The following ADCY2 variants were observed in gnomAD, a reference collection of about 807,000 sequenced individuals.
ADCY2 encodes adenylate cyclase type 2.
Under a neutral mutation model 125.2 loss-of-function variants are expected in ADCY2, and 31 were observed. The observed-to-expected ratio is 0.25, with a 90% CI of 0.19 to 0.33. The LOEUF (loss-of-function observed/expected upper bound fraction) is 0.33. Ranked by LOEUF, ADCY2 falls within the 10% of genes least tolerant of loss-of-function variation. The probability of loss-of-function intolerance (pLI) is 1.00; values close to 1 mark genes in which losing one functional copy is unlikely to be tolerated. For synonymous variants in ADCY2, 512 were observed against 548.4 expected, an observed-to-expected ratio of 0.93 and a Z score of 0.93; for missense variants, 904 against 1,418.2, an observed-to-expected ratio of 0.64 and a Z score of 5.82.
rs577997740 is a variant in ADCY2 at position 7,456,618 on chromosome 5, T to A, written c.408+41848T>A. Among the ~76,000 whole-genome samples the A allele has an allele frequency of 2.0e-3, 301 of 152,318 alleles. 1 individual carries two copies. Among genetic ancestry groups the A allele is most frequent in the Admixed American group, 3.7e-3 (56 of 15,304 alleles). ...GATAGTATATGGAAATACTGCTTATTCTTGCTATAATATTTAATGTGATTC... is the reference window on the plus strand; with the variant it reads ...GATAGTATATGGAAATACTGCTTATACTTGCTATAATATTTAATGTGATTC... On this transcript the variant is annotated intron_variant, in intron 2 of 24. Coordinates refer to ENST00000338316, the MANE Select transcript of ADCY2 (RefSeq NM_020546.3).
chr5:7,511,237 A>G (rs1338958540), intron 2 of ADCY2, among the ~76,000 whole-genome samples: 1 of 152,194 alleles, frequency 6.6e-6, no homozygotes, highest in African/African-American at 2.4e-5. Context: ...AATATAAAAA[A>G]AATTAAAAAT....
chr5:7,401,625 T>C (rs911282705), intron 1 of ADCY2, among the ~76,000 whole-genome samples: 1 of 152,228 alleles, frequency 6.6e-6, no homozygotes, highest in Non-Finnish European at 1.5e-5. Flanking sequence ...TTCATTATGC[T>C]AAATGTCCCC....
intron 22 of ADCY2, among the ~76,000 whole-genome samples, chr5:7,815,592 T>C (rs1431766700): frequency 6.6e-6 from 1 of 152,190 alleles, no homozygotes; most frequent in African/African-American, 2.4e-5. Flanking sequence ...AAAGGTGAAA[T>C]TCCAAATATA....
chr5:7,507,198 T>C (rs1743857631), intron 2 of ADCY2, among the ~76,000 whole-genome samples: 2 of 148,732 alleles, frequency 1.3e-5, no homozygotes, highest in Admixed American at 1.3e-4. Context: ...TCCCAGCACT[T>C]TGGGAGGCCG....
chr5:7,512,693 G>A (rs1345905167), intron 2 of ADCY2, among the ~76,000 whole-genome samples: 1 of 152,092 alleles, frequency 6.6e-6, no homozygotes, highest in Non-Finnish European at 1.5e-5. Context: ...TGGTCATAAG[G>A]TCTGTGTAAT....
At chr5:7,696,706 C>T (rs1472064167) in intron 6 of ADCY2, among the ~76,000 whole-genome samples, 1 of 152,192 alleles carries the variant, frequency 6.6e-6, no homozygotes, top group African/African-American at 2.4e-5. Flanking sequence ...TTAAACAAGA[C>T]AGAACATTCC....
intron 2 of ADCY2, among the ~76,000 whole-genome samples, chr5:7,504,785 A>G (rs1266693686): frequency 1.3e-5 from 2 of 151,894 alleles, no homozygotes; most frequent in Non-Finnish European, 1.5e-5. Flanking sequence ...CTGGGACTAC[A>G]TGTGTGAGCC....
At chr5:7,670,099 T>C (rs1299864576) in intron 4 of ADCY2, among the ~76,000 whole-genome samples, 1 of 152,222 alleles carries the variant, frequency 6.6e-6, no homozygotes, top group Admixed American at 6.5e-5. Context: ...TGGGTTTTAA[T>C]GTATTTATTT....
intron 2 of ADCY2, among the ~76,000 whole-genome samples, chr5:7,423,270 G>C (rs1486591668): frequency 3.9e-5 from 6 of 152,196 alleles, no homozygotes; most frequent in South Asian, 4.1e-4. Context: ...CTTTGGAGCA[G>C]AGGAGGCATT....
At chr5:7,804,465 G>T (rs1309856040) in intron 21 of ADCY2, 120 bp from the exon 22 acceptor site, 5 of 774,594 alleles carry the variant, frequency 6.5e-6, no homozygotes, top group Non-Finnish European at 1.1e-5. Flanking sequence ...GGGTGCATAC[G>T]CAGTGGTTGA....
chr5:7,431,961 C>A (rs539032201), intron 2 of ADCY2, among the ~76,000 whole-genome samples: 19 of 151,986 alleles, frequency 1.3e-4, no homozygotes, highest in Non-Finnish European at 2.4e-4. Context: ...TGGAGTGTTG[C>A]CTTTTCCAAA....
At chr5:7,774,772 G>A (rs906201053) in intron 18 of ADCY2, among the ~76,000 whole-genome samples, 4 of 152,158 alleles carry the variant, frequency 2.6e-5, no homozygotes, top group Admixed American at 2.0e-4. Context: ...AAGCCTCGGC[G>A]ACTTGCCTTC....
At chr5:7,516,476 G>A (rs777291170) in intron 2 of ADCY2, among the ~76,000 whole-genome samples, 6 of 152,120 alleles carry the variant, frequency 3.9e-5, no homozygotes, top group Non-Finnish European at 7.4e-5. Flanking sequence ...GTTTGTGTGG[G>A]TCAGCTGAGA....
At chr5:7,690,659 G>A in intron 4 of ADCY2, 32 bp from the exon 5 acceptor site, 2 of 1,499,096 alleles carry the variant, frequency 1.3e-6, no homozygotes, top group Admixed American at 4.7e-5. Context: ...GTGTCTGAGA[G>A]ACATTTGTTC....
At chr5:7,486,088 A>C (rs1742915229) in intron 2 of ADCY2, among the ~76,000 whole-genome samples, 1 of 152,248 alleles carries the variant, frequency 6.6e-6, no homozygotes, top group African/African-American at 2.4e-5. Context: ...ACGAACAAAT[A>C]AGATGAGAGA....
intron 3 of ADCY2, among the ~76,000 whole-genome samples, chr5:7,620,781 T>C (rs1003924337): frequency 1.3e-5 from 2 of 152,242 alleles, no homozygotes; most frequent in African/African-American, 4.8e-5. Context: ...CCCTTTTATT[T>C]TCCTTTGACT....
rs765988402 is a variant in ADCY2 at position 7,816,868 on chromosome 5, G to A, written c.2886G>A (p.Glu962=). 5 of 1,613,966 alleles carry A rather than the reference G, an allele frequency of 3.1e-6. No individual in the cohort carries two copies. The highest frequency in any genetic ancestry group is 4.2e-6 in the Non-Finnish European group (5 of 1,179,824). ...TGCCTGTGTGTGTTTGTTCTCAGGA[G>A]CCCGAGCGGCAGTACATGCACATTG... ...SAVPSQEHSQ[E]PERQYMHIGT... The change falls in exon 23 of 25, where the codon GAG becomes GAA. Residue 962 remains glutamate (E), a splice_region_variant and synonymous_variant. Coordinates refer to ENST00000338316, the MANE Select transcript of ADCY2 (RefSeq NM_020546.3).
At chr5:7,646,054 A>G (rs559339006) in intron 4 of ADCY2, among the ~76,000 whole-genome samples, 2 of 152,328 alleles carry the variant, frequency 1.3e-5, no homozygotes, top group African/African-American at 4.8e-5. Flanking sequence ...CTATTATGGC[A>G]TGGCATTTGT....
intron 2 of ADCY2, among the ~76,000 whole-genome samples, chr5:7,417,161 C>T (rs868105572): frequency 1.6e-4 from 25 of 152,066 alleles, no homozygotes; most frequent in African/African-American, 6.0e-4. Flanking sequence ...ATTCTGATTA[C>T]TTTTTGTTCC....
Sources: allele counts gnomAD v4.1 joint callset (sites outside exome capture counted in the v4.1 genomes callset), GRCh38; gene constraint gnomAD v4.1.1; transcripts MANE v1.5; gene names NCBI Gene and HGNC (gene_info 2026-07-23, HGNC 2026-07-21).